Variants in GALNTL6 observed in about 807,000 individuals in gnomAD.
GALNTL6 encodes the protein polypeptide N-acetylgalactosaminyltransferase like 6.
GALNTL6 carries 46 observed loss-of-function variants against 73.7 expected under a neutral mutation model. The observed-to-expected ratio is 0.62, with a 90% confidence interval of 0.49 to 0.80. GALNTL6 has a LOEUF of 0.80. GALNTL6 is among the 30% of genes least tolerant of loss of function. GALNTL6 has a pLI of 0.00. For synonymous variants in GALNTL6, 259 were observed against 263.7 expected, an observed-to-expected ratio of 0.98 and a Z score of 0.17; for missense variants, 604 against 755.0, an observed-to-expected ratio of 0.80 and a Z score of 2.34.
At chr4:172,674,832 C>T (rs147329339) in intron 5 of GALNTL6, among the ~76,000 whole-genome samples, 83 of 152,264 alleles carry the variant, frequency 5.5e-4, no homozygotes, top group African/African-American at 1.8e-3. Context: ...TGTCAGTTTG[C>T]CTGCTTTTCT....
At chr4:172,326,921 T>C (rs1740963735) in intron 4 of GALNTL6, among the ~76,000 whole-genome samples, 1 of 152,056 alleles carries the variant, frequency 6.6e-6, no homozygotes, top group African/African-American at 2.4e-5. Context: ...CCTGACTTTA[T>C]TTATAGTATA....
At chr4:172,791,378 A>T (rs1044959406) in intron 5 of GALNTL6, among the ~76,000 whole-genome samples, 49 of 152,326 alleles carry the variant, frequency 3.2e-4, no homozygotes, top group African/African-American at 1.1e-3. Flanking sequence ...AAAATATAGA[A>T]CAACCAGTAC....
chr4:172,273,884 G>A (rs965152475), intron 3 of GALNTL6, among the ~76,000 whole-genome samples: 4 of 152,130 alleles, frequency 2.6e-5, no homozygotes, highest in African/African-American at 9.6e-5. Flanking sequence ...CACCCAATTT[G>A]CATTTTAAGC....
intron 2 of GALNTL6, among the ~76,000 whole-genome samples, chr4:172,212,304 G>A (rs1192566892): frequency 6.6e-6 from 1 of 152,024 alleles, no homozygotes; most frequent in Non-Finnish European, 1.5e-5. Flanking sequence ...TGGGATCACA[G>A]GCACATGCCA....
At chr4:172,998,286 A>T (rs1299564792) in intron 10 of GALNTL6, among the ~76,000 whole-genome samples, 1 of 152,240 alleles carries the variant, frequency 6.6e-6, no homozygotes, top group Non-Finnish European at 1.5e-5. Flanking sequence ...CAAAGCCTTA[A>T]ATAGTGAAAA....
At position 171,916,328 on chromosome 4, in the gene GALNTL6, A is replaced by G. The variant is rs79442287; in HGVS notation, c.138+101610A>G. On this transcript the variant is annotated intron_variant, in intron 2 of 12. Coordinates refer to ENST00000506823, the MANE Select transcript of GALNTL6 (RefSeq NM_001034845.3). ...CTCCACTTTGTATAGAAGCTGCCAT[A>G]TTTTTTGTTATAATCACAATATATG... 2.6e-4 allele frequency among the ~76,000 whole-genome samples: 40 copies of G among 152,210 alleles called. No homozygotes were observed. In the East Asian group the frequency reaches 6.9e-3, roughly 26 times the overall value.
chr4:172,513,761 T>A (rs984409265), intron 5 of GALNTL6, among the ~76,000 whole-genome samples: 1 of 152,172 alleles, frequency 6.6e-6, no homozygotes, highest in Non-Finnish European at 1.5e-5. Flanking sequence ...CATGAGGTTA[T>A]CATCCTCGGG....
At chr4:172,699,167 G>A (rs2111284003) in intron 5 of GALNTL6, among the ~76,000 whole-genome samples, 1 of 152,182 alleles carries the variant, frequency 6.6e-6, no homozygotes, top group South Asian at 2.1e-4. Context: ...TGAAGGCTCT[G>A]TCCTTATGAC....
chr4:172,775,451 G>A (rs1372965396), intron 5 of GALNTL6, among the ~76,000 whole-genome samples: 1 of 152,202 alleles, frequency 6.6e-6, no homozygotes. Flanking sequence ...AAGCACAAAC[G>A]TGGGGCTCAT....
At chr4:172,445,402 A>G (rs1269228824) in intron 5 of GALNTL6, among the ~76,000 whole-genome samples, 1 of 152,230 alleles carries the variant, frequency 6.6e-6, no homozygotes, top group Admixed American at 6.6e-5. Context: ...GAACCTAAAC[A>G]TATTTAACTA....
intron 5 of GALNTL6, among the ~76,000 whole-genome samples, chr4:172,764,407 G>A (rs1013624704): frequency 6.6e-6 from 1 of 152,064 alleles, no homozygotes; most frequent in African/African-American, 2.4e-5. Context: ...TAATTTTCAT[G>A]CTAGAATCTA....
chr4:172,936,604 T>C (rs1748634539), intron 9 of GALNTL6, among the ~76,000 whole-genome samples: 1 of 152,098 alleles, frequency 6.6e-6, no homozygotes, highest in Non-Finnish European at 1.5e-5. Context: ...TGTGCAAAAA[T>C]CACAAGCATT....
At chr4:172,666,945 C>T (rs1284765044) in intron 5 of GALNTL6, 1 of 152,150 alleles carries the variant, frequency 6.6e-6, no homozygotes, top group Non-Finnish European at 1.5e-5. Flanking sequence ...GGTGAATCAT[C>T]GTGGATATAG....
chr4:172,138,491 ATATATATATATATATATATATATTTTTT>A (rs1733701572), intron 2 of GALNTL6, among the ~76,000 whole-genome samples: 1 of 4,220 alleles, frequency 2.4e-4, no homozygotes, highest in African/African-American at 6.1e-4. Flanking sequence ...ATATATATAT[ATATATATATATATATATATATATTTTTT>A]TTTTTTTTTT....
chr4:172,329,874 A>G (rs1741068046), intron 4 of GALNTL6, among the ~76,000 whole-genome samples: 1 of 152,158 alleles, frequency 6.6e-6, no homozygotes, highest in African/African-American at 2.4e-5. Context: ...CCACTTACTG[A>G]AGAGAAAGCG....
At chr4:172,501,001 G>A (rs1734244075) in intron 5 of GALNTL6, among the ~76,000 whole-genome samples, 1 of 152,190 alleles carries the variant, frequency 6.6e-6, no homozygotes, top group Non-Finnish European at 1.5e-5. Flanking sequence ...AGATCCTTGT[G>A]ATGAAACTGT....
chr4:172,179,759 A>G (rs1464642258), intron 2 of GALNTL6, among the ~76,000 whole-genome samples: 1 of 151,740 alleles, frequency 6.6e-6, no homozygotes, highest in Non-Finnish European at 1.5e-5. Flanking sequence ...GGTCATGCCT[A>G]GGTTTTCTTC....
intron 5 of GALNTL6, among the ~76,000 whole-genome samples, chr4:172,760,577 C>T (rs1431192615): frequency 6.6e-6 from 1 of 152,076 alleles, no homozygotes; most frequent in Non-Finnish European, 1.5e-5. Context: ...ACATTGATGC[C>T]CTGCTTCTCT....
At chr4:172,056,708 A>G (rs1731028874) in intron 2 of GALNTL6, among the ~76,000 whole-genome samples, 1 of 151,932 alleles carries the variant, frequency 6.6e-6, no homozygotes, top group Non-Finnish European at 1.5e-5. Context: ...AATTATAAAT[A>G]AAATAAGCAT....
Sources: allele counts gnomAD v4.1 joint callset (sites outside exome capture counted in the v4.1 genomes callset), GRCh38; gene constraint gnomAD v4.1.1; transcripts MANE v1.5; gene names NCBI Gene and HGNC (gene_info 2026-07-23, HGNC 2026-07-21).